Variants in KAT2B observed in about 807,000 individuals in gnomAD.
KAT2B encodes the protein histone acetyltransferase KAT2B.
In KAT2B, 36 loss-of-function variants were observed where a neutral mutation model predicts 105.9. The ratio of observed to expected loss-of-function variants is 0.34; its 90% CI spans 0.26 to 0.45. The LOEUF is 0.45. Ranked by LOEUF, KAT2B falls within the 20% of genes least tolerant of loss-of-function variation. The probability of loss-of-function intolerance (pLI) is 1.00; values close to 1 mark genes in which losing one functional copy is unlikely to be tolerated. For synonymous variants in KAT2B, 397 were observed against 377.9 expected (o/e 1.05, Z -0.59); for missense variants, 820 against 1,021.6 (o/e 0.80, Z 2.69).
intron 1 of KAT2B, among the ~76,000 whole-genome samples, chr3:20,067,536 A>C (rs573290128): frequency 6.6e-6 from 1 of 152,200 alleles, no homozygotes; most frequent in Non-Finnish European, 1.5e-5. Context: ...CTATATCTCT[A>C]AAACTCTGTG....
chr3:20,127,730 G>T (rs950165834), intron 11 of KAT2B, among the ~76,000 whole-genome samples, 181 bp downstream of exon 11: 4 of 152,212 alleles, frequency 2.6e-5, no homozygotes, highest in African/African-American at 9.7e-5. Context: ...CCAGGGACTG[G>T]TTTCACGGAA....
rs1016319521 is a variant in KAT2B, at chr3:20,152,648, C to T, written c.*123C>T. 2.8e-6 allele frequency: 2 copies of T among 706,650 alleles called. No individual in the cohort carries two copies. Among genetic ancestry groups the T allele is most frequent in the South Asian group, 2.7e-5 (1 of 36,374 alleles). 43.8% of individuals were successfully genotyped at this position (706,650 alleles called of 1,614,324 possible). A position where few individuals can be genotyped will look rare whatever the true frequency, so the allele number is the denominator to read the frequency against. ...AGACTTGTAAATGTAATAATTAGCA[C>T]TTTTGAAAAAACAAAAAACCTCCTT... On this transcript the variant is annotated 3_prime_UTR_variant, in exon 18 of 18. Transcript: ENST00000263754.
chr3:20,147,801 A>G (rs899037527), intron 14 of KAT2B, among the ~76,000 whole-genome samples, 162 bp from the exon 15 acceptor site: 1 of 152,220 alleles, frequency 6.6e-6, no homozygotes, highest in African/African-American at 2.4e-5. Context: ...TTATATTGTT[A>G]GTGGTATAAG....
intron 1 of KAT2B, among the ~76,000 whole-genome samples, chr3:20,041,098 C>T (rs1426760749): frequency 6.6e-6 from 1 of 152,120 alleles, no homozygotes; most frequent in Non-Finnish European, 1.5e-5. Context: ...GCTGGAGTCA[C>T]TTTCCCGGGA....
intron 4 of KAT2B, among the ~76,000 whole-genome samples, chr3:20,100,448 C>T (rs944865405): frequency 6.6e-6 from 1 of 152,176 alleles, no homozygotes; most frequent in African/African-American, 2.4e-5. Flanking sequence ...CCGTTTTACT[C>T]AGGGAATCTG....
At chr3:20,066,138 C>A (rs1005386438) in intron 1 of KAT2B, among the ~76,000 whole-genome samples, 2 of 152,068 alleles carry the variant, frequency 1.3e-5, no homozygotes, top group African/African-American at 4.8e-5. Context: ...TGGTGCTTGG[C>A]AATCCTTGGC....
In KAT2B at chr3:20,150,758, T is replaced by C. The variant is rs531399849; in HGVS notation, c.2306-1574T>C. Among the ~76,000 whole-genome samples the C allele has an allele frequency of 9.2e-5, 14 of 152,366 alleles. No individual in the cohort carries two copies. The East Asian group carries it at 2.7e-3, about 29-fold the overall frequency. On this transcript the variant is annotated intron_variant, in intron 17 of 17. Transcript: ENST00000263754. ...AAAAGTCCAGACACCGCCATAATTC[T>C]TGCTTTGTTTCTGCTGCATTTTAGG... is the stretch of plus-strand genomic sequence containing the variant.
intron 12 of KAT2B, among the ~76,000 whole-genome samples, 177 bp downstream of exon 12, chr3:20,137,229 C>T (rs1699617941): frequency 1.3e-5 from 2 of 152,170 alleles, no homozygotes; most frequent in Admixed American, 6.5e-5. Context: ...GTCACTAGCA[C>T]ATAGTAAGTA....
intron 5 of KAT2B, among the ~76,000 whole-genome samples, chr3:20,102,317 T>C (rs58629324): frequency 0.11 from 16,805 of 152,102 alleles, 1,310 homozygotes; most frequent in East Asian, 0.41. Flanking sequence ...AAAAAAAATT[T>C]TTTTTAAAGG....
At chr3:20,107,948 AC>A (rs1378284335) in intron 5 of KAT2B, among the ~76,000 whole-genome samples, 1 of 151,094 alleles carries the variant, frequency 6.6e-6, no homozygotes, top group Non-Finnish European at 1.5e-5. Context: ...AGCTGGGACT[AC>A]AGGCGCCTGC....
intron 1 of KAT2B, among the ~76,000 whole-genome samples, chr3:20,053,065 GAAC>G (rs1697943023): frequency 1.3e-5 from 2 of 152,176 alleles, no homozygotes; most frequent in Non-Finnish European, 2.9e-5. Flanking sequence ...GCTGGAGCTG[GAAC>G]AACACTTACT....
At position 20,150,747 on chromosome 3, in the gene KAT2B, C is replaced by T. The variant is rs560874071; in HGVS notation, c.2306-1585C>T. ...TAGTTATTCAGAAAAGTCCAGACAC[C>T]GCCATAATTCTTGCTTTGTTTCTGC... On this transcript the variant is annotated intron_variant, in intron 17 of 17. Coordinates refer to ENST00000263754, the MANE Select transcript of KAT2B (RefSeq NM_003884.5). Among the ~76,000 whole-genome samples, 3 of 152,206 alleles carry T rather than the reference C, an allele frequency of 2.0e-5. No homozygotes were observed. In the South Asian group the frequency reaches 6.2e-4, roughly 32 times the overall value.
At chr3:20,049,051 G>C (rs543090998) in intron 1 of KAT2B, among the ~76,000 whole-genome samples, 2 of 147,298 alleles carry the variant, frequency 1.4e-5, no homozygotes, top group African/African-American at 4.9e-5. Flanking sequence ...TAGTAGAGAC[G>C]GGGTTTCACC....
chr3:20,146,277 C>T (rs1238562208), intron 13 of KAT2B, 39 bp from the exon 14 acceptor site: 1 of 1,181,058 alleles, frequency 8.5e-7, no homozygotes, highest in East Asian at 2.3e-5. Context: ...TATCCATAGA[C>T]TTCTTTCCCT....
intron 5 of KAT2B, among the ~76,000 whole-genome samples, chr3:20,105,408 T>C (rs1263187088): frequency 6.6e-6 from 1 of 152,170 alleles, no homozygotes; most frequent in Non-Finnish European, 1.5e-5. Flanking sequence ...GTGCAAGTAA[T>C]TAGTCTTAGA....
intron 4 of KAT2B, among the ~76,000 whole-genome samples, chr3:20,100,449 A>T (rs367805432): frequency 6.6e-6 from 1 of 152,216 alleles, no homozygotes. Flanking sequence ...CGTTTTACTC[A>T]GGGAATCTGT....
chr3:20,148,068 A>T (rs1330389772), intron 15 of KAT2B, 69 bp downstream of exon 15: 13 of 1,513,514 alleles, frequency 8.6e-6, no homozygotes, highest in Non-Finnish European at 1.0e-5. Context: ...CAACTTAAAG[A>T]AAAACGGCAA....
rs201066836 is a variant in KAT2B at position 20,148,462 on chromosome 3, T to C, written c.2280T>C (p.Tyr760=). The C allele has an allele frequency of 1.9e-6, 3 of 1,605,892 alleles. No individual in the cohort carries two copies. Among genetic ancestry groups the C allele is most frequent in the Non-Finnish European group, 2.5e-6 (3 of 1,177,700 alleles). ...TGAAGAGAACAGAAGCTCCAGGATA[T>C]TATGAAGTTATAAGGTTCCCCATGG... is the stretch of plus-strand genomic sequence containing the variant. ...EPVKRTEAPG[Y]YEVIRFPMDL... The change falls in exon 17 of 18, where the codon TAT becomes TAC. Residue 760 remains tyrosine (Y), a synonymous_variant. Coordinates refer to ENST00000263754, the MANE Select transcript of KAT2B (RefSeq NM_003884.5).
chr3:20,089,013 A>G (rs1698668761), intron 2 of KAT2B, among the ~76,000 whole-genome samples: 2 of 152,094 alleles, frequency 1.3e-5, no homozygotes, highest in South Asian at 2.1e-4. Context: ...TCCCCTTGGC[A>G]TCTTTGTTGA....
Sources: gnomAD v4.1 joint callset for allele counts (sites outside exome capture counted in the v4.1 genomes callset) on GRCh38, gnomAD v4.1.1 for gene constraint, MANE v1.5 for transcripts, NCBI Gene and HGNC (gene_info 2026-07-23, HGNC 2026-07-21) for gene names.